The following ACADS variants were observed in gnomAD, a reference collection of about 807,000 sequenced individuals.
The protein encoded by ACADS is acyl-CoA dehydrogenase short chain.
Under a neutral mutation model 46.8 loss-of-function variants are expected in ACADS, and 28 were observed. That is an observed-to-expected ratio of 0.60 (90% CI 0.44 to 0.82). ACADS has a LOEUF of 0.82. ACADS is among the 40% of genes least tolerant of loss of function. The pLI, the probability that ACADS is intolerant of heterozygous loss-of-function variation, is 0.00. For synonymous variants in ACADS, 236 were observed against 237.7 expected (o/e 0.99, Z 0.07); for missense variants, 528 against 578.0 (o/e 0.91, Z 0.89).
At chr12:120,733,094 C>T (rs924983691) in intron 2 of ACADS, among the ~76,000 whole-genome samples, 68 of 31,760 alleles carry the variant, frequency 2.1e-3, no homozygotes, top group African/African-American at 7.2e-3. Context: ...TGGCGGCGCG[C>T]GCCTGCAATC....
In ACADS at chr12:120,739,401, C is replaced by T. The variant is rs767774362; in HGVS notation, c.1192C>T (p.Gln398Ter). ...GATCTACGAGGGCACCAGCGAAATC[C>T]AGCGGCTGGTGATCGCCGGGCATCT... Reference protein sequence around the residue: ...TEIYEGTSEIQRLVIAGHLLR... With the variant: ...TEIYEGTSEI The change falls in exon 10 of 10, where the codon CAG becomes TAG. Residue 398 changes from glutamine to a stop codon, truncating the protein, a stop_gained. Coordinates refer to ENST00000242592, the MANE Select transcript of ACADS (RefSeq NM_000017.4). LOFTEE classifies it high-confidence loss of function. 8.0e-5 allele frequency: 129 copies of T among 1,612,526 alleles called. No individual in the cohort carries two copies. Among genetic ancestry groups the T allele is most frequent in the Non-Finnish European group, 1.0e-4 (121 of 1,179,952 alleles).
At position 120,737,000 on chromosome 12, in the gene ACADS, C is replaced by T. The variant is rs370478896; in HGVS notation, c.225C>T (p.Gly75=). 2.1e-5 allele frequency: 33 copies of T among 1,609,116 alleles called. No homozygotes were observed. Among genetic ancestry groups the T allele is most frequent in the African/African-American group, 1.2e-4 (9 of 75,014 alleles). Residue 75 remains glycine (G), a synonymous_variant, in exon 3 of 10, where the codon GGC becomes GGT. Transcript: ENST00000242592. The part of the protein sequence containing the change: ...LFPAAQVKKM[G]GLGLLAMDVP... Reference sequence around the variant, plus strand: ...CCTGTGCCCAGGTGAAGAAGATGGGCGGGCTTGGGCTTCTGGCCATGGACG... The same window carrying T: ...CCTGTGCCCAGGTGAAGAAGATGGGTGGGCTTGGGCTTCTGGCCATGGACG...
At chr12:120,739,230 C>T (rs371604145) in intron 9 of ACADS, 34 bp downstream of exon 9, 4 of 1,612,866 alleles carry the variant, frequency 2.5e-6, no homozygotes, top group African/African-American at 1.3e-5. Flanking sequence ...AGGGGGCCAG[C>T]TGCCCCTTCT....
At position 120,739,207 on chromosome 12, in the gene ACADS, A is replaced by G. The variant is rs561806153; in HGVS notation, c.1086+11A>G. ...GCCATCAGCCACCAGGTGAGTGTCC[A>G]CAGTGAGCTCTGAGGGGGCCAGCTG... On this transcript the variant is annotated intron_variant, in intron 9 of 9. Transcript: ENST00000242592. 6 of 1,613,078 alleles carry G rather than the reference A, an allele frequency of 3.7e-6. No individual in the cohort carries two copies. In the African/African-American group the frequency reaches 5.3e-5, roughly 14 times the overall value.
chr12:120,736,963 G>A lies in ACADS; in HGVS notation c.211-23G>A, dbSNP rs369993025. On this transcript the variant is annotated intron_variant, in intron 2 of 9. Transcript: ENST00000242592. ...CTCGCCCCCGGCAGCTGCCCATGGCGTGCCGTCCTTCCCTGTGCCCAGGTG... is the reference window on the plus strand; with the variant it reads ...CTCGCCCCCGGCAGCTGCCCATGGCATGCCGTCCTTCCCTGTGCCCAGGTG... The A allele has an allele frequency of 4.9e-4, 776 of 1,584,764 alleles. 2 individuals are homozygous for A. Among genetic ancestry groups the A allele is most frequent in the Non-Finnish European group, 6.3e-4 (734 of 1,165,494 alleles).
At chr12:120,730,052 G>A (rs1304356271) in intron 2 of ACADS, among the ~76,000 whole-genome samples, 2 of 151,970 alleles carry the variant, frequency 1.3e-5, no homozygotes, top group African/African-American at 2.4e-5. Context: ...GTGCGATCTC[G>A]GCTCACTGTA....
In ACADS at chr12:120,730,265, G is replaced by T. The variant is rs1592935027; in HGVS notation, c.210+3076G>T. ...CAAAGTTCTGGGATTACAGGCATGAGCCACCGCGCCCAGCTGGTAGATGCT... is the reference window on the plus strand; with the variant it reads ...CAAAGTTCTGGGATTACAGGCATGATCCACCGCGCCCAGCTGGTAGATGCT... On this transcript the variant is annotated intron_variant, in intron 2 of 9. Coordinates refer to ENST00000242592, the MANE Select transcript of ACADS (RefSeq NM_000017.4). Among the ~76,000 whole-genome samples the T allele has an allele frequency of 2.0e-5, 3 of 152,322 alleles. No individual in the cohort carries two copies. The East Asian group carries it at 5.8e-4, about 29-fold the overall frequency.
chr12:120,737,866 A>G lies in ACADS; in HGVS notation c.502A>G (p.Thr168Ala), dbSNP rs747528760. Residue 168 changes from threonine (T) to alanine (A), a missense_variant, in exon 5 of 10, where the codon ACC (threonine) becomes GCC (alanine). Physicochemically the swap from Thr to Ala is moderately conservative, Grantham distance 58 (BLOSUM62 0). Transcript: ENST00000242592. ...CGGCAGTGATGCAGGAGCTGCGTCCACCACCGCCCGGGCCGAGGGCGACTC... is the reference window on the plus strand; with the variant it reads ...CGGCAGTGATGCAGGAGCTGCGTCCGCCACCGCCCGGGCCGAGGGCGACTC... ...GNGSDAGAAS[T>A]TARAEGDSWV... 6.2e-7 allele frequency: 1 copy of G among 1,613,818 alleles called. No homozygotes were observed. Among genetic ancestry groups the G allele is most frequent in the Non-Finnish European group, 8.5e-7 (1 of 1,179,878 alleles).
rs755087438 is a variant in ACADS at position 120,738,270 on chromosome 12, C to T, written c.625-10C>T. ...GCAGCTCTGAGAAAACCACCCGCCT[C>T]TCCTTTCAGGGCATCAGTGCCTTCC... On this transcript the variant is annotated splice_polypyrimidine_tract_variant and intron_variant, in intron 5 of 9. Transcript: ENST00000242592. 23 of 1,614,174 alleles carry T rather than the reference C, an allele frequency of 1.4e-5. No homozygotes were observed. In the Middle Eastern group the frequency reaches 6.6e-4, roughly 46 times the overall value.
At chr12:120,733,789 C>T (rs767148054) in intron 2 of ACADS, among the ~76,000 whole-genome samples, 2 of 145,784 alleles carry the variant, frequency 1.4e-5, no homozygotes, top group African/African-American at 2.6e-5. Context: ...TAAAGCAATA[C>T]AGATATATTC....
chr12:120,736,343 C>G (rs890203592), intron 2 of ACADS, among the ~76,000 whole-genome samples: 4 of 152,224 alleles, frequency 2.6e-5, no homozygotes, highest in Non-Finnish European at 5.9e-5. Context: ...CATTCATTCT[C>G]TCACTGGCCT....
At position 120,737,012 on chromosome 12, in the gene ACADS, TC is replaced by T. The variant is rs1064793612; in HGVS notation, c.238del (p.Leu80TrpfsTer37). The T allele has an allele frequency of 6.2e-7, 1 of 1,610,586 alleles. No homozygotes were observed. Among genetic ancestry groups the T allele is most frequent in the South Asian group, 1.1e-5 (1 of 90,180 alleles). On this transcript the variant is annotated frameshift_variant, in exon 3 of 10. Coordinates refer to ENST00000242592, the MANE Select transcript of ACADS (RefSeq NM_000017.4). LOFTEE classifies it high-confidence loss of function. ...TGAAGAAGATGGGCGGGCTTGGGCT[TC>T]TGGCCATGGACGTGCCCGAGGAGCT... ...QVKKMGGLGLLAMDVPEELGG... is the reference protein window; with the variant it reads ...QVKKMGGLGLXAMDVPEELGG...
intron 4 of ACADS, 135 bp downstream of exon 4, chr12:120,737,602 T>G: frequency 9.3e-7 from 1 of 1,071,526 alleles, no homozygotes; most frequent in Non-Finnish European, 1.4e-6. Flanking sequence ...GTGAGCGCTC[T>G]TGCCACCGCG....
Position 120,728,227 on chromosome 12 carries a change from G to T in ACADS, c.210+1038G>T, listed in dbSNP as rs372866223. ...GTCCCAAAGTGCTGGGATTACAGGC[G>T]TGAGCCACCGTGCCCGGCCTGCTTG... On this transcript the variant is annotated intron_variant, in intron 2 of 9. Coordinates refer to ENST00000242592, the MANE Select transcript of ACADS (RefSeq NM_000017.4). This position sits in a 1 kb window ranked among gnomAD's most constrained non-coding sequence, Gnocchi z 4.0. 6.6e-6 allele frequency among the ~76,000 whole-genome samples: 1 copy of T among 152,158 alleles called. No homozygotes were observed. Among genetic ancestry groups the T allele is most frequent in the Non-Finnish European group, 1.5e-5 (1 of 68,038 alleles).
chr12:120,737,670 A>C, intron 4 of ACADS, 167 bp from the exon 5 acceptor site: 1 of 1,123,666 alleles, frequency 8.9e-7, no homozygotes, highest in East Asian at 2.6e-5. Flanking sequence ...GCTCCTGCAC[A>C]CCCCCCTCGC....
intron 4 of ACADS, 145 bp downstream of exon 4, chr12:120,737,612 G>T (rs547703165): frequency 3.8e-6 from 4 of 1,045,182 alleles, no homozygotes; most frequent in Non-Finnish European, 1.4e-6. Flanking sequence ...TTGCCACCGC[G>T]GCGCTGGGAG....
At chr12:120,732,478 T>TA (rs1883282650) in intron 2 of ACADS, among the ~76,000 whole-genome samples, 1 of 136,792 alleles carries the variant, frequency 7.3e-6, no homozygotes, top group Non-Finnish European at 1.6e-5. Flanking sequence ...ATGGGGTGGC[T>TA]GCCGGGCGGA....
chr12:120,738,492 C>T (rs370736819), intron 6 of ACADS, 41 bp from the exon 7 acceptor site: 309 of 1,605,818 alleles, frequency 1.9e-4, no homozygotes, highest in South Asian at 1.4e-3. Flanking sequence ...GCCAGGCCCG[C>T]GCCCCGGCTG....
chr12:120,731,844 G>C (rs1216067210), intron 2 of ACADS, among the ~76,000 whole-genome samples: 3 of 151,916 alleles, frequency 2.0e-5, no homozygotes, highest in East Asian at 1.9e-4. Context: ...TGACTCTTAA[G>C]GAGCATGCTG....
Sources: allele counts gnomAD v4.1 joint callset (sites outside exome capture counted in the v4.1 genomes callset), GRCh38; gene constraint gnomAD v4.1.1; non-coding constraint Gnocchi (gnomAD v3.1); transcripts MANE v1.5; gene names NCBI Gene and HGNC (gene_info 2026-07-23, HGNC 2026-07-21).